Variants in USP42 observed in about 807,000 individuals in gnomAD.
USP42 encodes ubiquitin carboxyl-terminal hydrolase 42.
USP42 carries 23 observed loss-of-function variants against 113.0 expected under a neutral mutation model. That is an observed-to-expected ratio of 0.20 (90% CI 0.15 to 0.29). The LOEUF (loss-of-function observed/expected upper bound fraction) is 0.29, where lower values mean the gene tolerates loss of function less well. Ranked by LOEUF, USP42 falls within the 10% of genes least tolerant of loss-of-function variation. The pLI is 1.00. For synonymous variants in USP42, 933 were observed against 699.0 expected (o/e 1.33, Z -5.28); for missense variants, 2,174 against 1,779.8 (o/e 1.22, Z -3.99).
chr7:6,103,751 AAAAAC>A (rs1162875710), upstream of USP42, among the ~76,000 whole-genome samples: 197 of 149,678 alleles, frequency 1.3e-3, 13 homozygotes, highest in African/African-American at 4.0e-3. Flanking sequence ...AAAAAAAAAA[AAAAAC>A]AAAACTTAAA....
chr7:6,133,762 C>T (rs769816827), intron 3 of USP42, among the ~76,000 whole-genome samples: 5 of 152,044 alleles, frequency 3.3e-5, no homozygotes, highest in African/African-American at 1.2e-4. Context: ...TCAAGTGGTC[C>T]GCCTGCCTCA....
At chr7:6,109,969 G>A (rs1779506727) in intron 1 of USP42, among the ~76,000 whole-genome samples, 1 of 151,804 alleles carries the variant, frequency 6.6e-6, no homozygotes, top group Admixed American at 6.6e-5. Context: ...CCAAAATGCT[G>A]GGATTACAGG....
At chr7:6,134,254 A>G (rs563971534) in intron 3 of USP42, among the ~76,000 whole-genome samples, 1 of 152,130 alleles carries the variant, frequency 6.6e-6, no homozygotes, top group East Asian at 1.9e-4. Flanking sequence ...ATATATTTGT[A>G]ATATCCTTTT....
At chr7:6,120,330 C>T (rs1330906684) in intron 3 of USP42, among the ~76,000 whole-genome samples, 1 of 152,146 alleles carries the variant, frequency 6.6e-6, no homozygotes, top group African/African-American at 2.4e-5. Context: ...GTAACCTCCA[C>T]CTCTTCGGTT....
chr7:6,146,686 C>A (rs1781735041), intron 11 of USP42, among the ~76,000 whole-genome samples: 2 of 152,176 alleles, frequency 1.3e-5, no homozygotes, highest in South Asian at 4.1e-4. Flanking sequence ...AAACCATCAA[C>A]TCTGCCATGT....
In USP42 at chr7:6,135,963, C is replaced by A; in HGVS notation, c.553+12C>A. The A allele has an allele frequency of 5.7e-6, 8 of 1,395,956 alleles. No homozygotes were observed. The highest frequency in any genetic ancestry group is 1.5e-5 in the African/African-American group (1 of 67,620). 86.5% of individuals were successfully genotyped at this position (1,395,956 alleles called of 1,614,324 possible). ...CAATGAGATGCGGCGTAAGTATTAA[C>A]TATTGTAGTTTTATATTTGTATTTA... On this transcript the variant is annotated intron_variant, in intron 4 of 17. Transcript: ENST00000306177.
upstream of USP42, among the ~76,000 whole-genome samples, chr7:6,101,025 C>T (rs754612179): frequency 4.0e-5 from 6 of 150,614 alleles, 1 homozygote; most frequent in African/African-American, 1.0e-4. Flanking sequence ...AGAATTTAGG[C>T]GCACAAGATT....
At chr7:6,120,137 T>G (rs774947364) in intron 3 of USP42, among the ~76,000 whole-genome samples, 1 of 152,212 alleles carries the variant, frequency 6.6e-6, no homozygotes, top group Non-Finnish European at 1.5e-5. Context: ...CTAATTTTTT[T>G]GTATTTTTAG....
chr7:6,154,797 C>T lies in USP42; in HGVS notation c.3243C>T (p.Arg1081=). 1.3e-6 allele frequency: 2 copies of T among 1,546,746 alleles called. No individual in the cohort carries two copies. The highest frequency in any genetic ancestry group is 1.7e-6 in the Non-Finnish European group (2 of 1,145,214). ...ACTGGAAGCCCTTCCACGGCGGCCG[C>T]GAGCACGAGCGGGCCGGGCTGCACG... The part of the protein sequence containing the change: ...ARDWKPFHGG[R]EHERAGLHER... Residue 1081 remains arginine, a synonymous_variant, in exon 15 of 18, where the codon CGC becomes CGT. Coordinates refer to ENST00000306177, the MANE Select transcript of USP42 (RefSeq NM_032172.3).
chr7:6,125,603 A>T (rs893010066), intron 3 of USP42, among the ~76,000 whole-genome samples: 1 of 151,980 alleles, frequency 6.6e-6, no homozygotes, highest in Non-Finnish European at 1.5e-5. Context: ...TTGTTGTATT[A>T]TTTTTTTCTT....
intron 10 of USP42, 37 bp from the exon 11 acceptor site, chr7:6,146,111 A>C: frequency 7.3e-7 from 1 of 1,378,450 alleles, no homozygotes; most frequent in African/African-American, 1.5e-5. Context: ...TGTTTAATTA[A>C]ATCTAATCTC....
At chr7:6,090,581 T>A in the USP42 span, among the ~76,000 whole-genome samples, 6 of 141,812 alleles carry the variant, frequency 4.2e-5, no homozygotes, top group South Asian at 1.3e-3. Flanking sequence ...TGGGCACGGT[T>A]GTGCATGCCT....
chr7:6,145,462 T>G lies in USP42; in HGVS notation c.991-54T>G, dbSNP rs1158238612. ...GCTCTAAGTACCCTCTACCTGAATA[T>G]GTGGAATGATCTGTGCCCTCGGAAA... On this transcript the variant is annotated intron_variant, in intron 9 of 17. Coordinates refer to ENST00000306177, the MANE Select transcript of USP42 (RefSeq NM_032172.3). 3.5e-5 allele frequency: 57 copies of G among 1,608,976 alleles called. No homozygotes were observed. The South Asian group carries it at 6.2e-4, about 17-fold the overall frequency.
rs1192504417 is a variant in USP42 at position 6,154,302 on chromosome 7, T to C, written c.2748T>C (p.Ala916=). The C allele has an allele frequency of 6.3e-7, 1 of 1,585,754 alleles. No homozygotes were observed. Among genetic ancestry groups the C allele is most frequent in the South Asian group, 1.1e-5 (1 of 88,018 alleles). ...CGGCCGGTCACCCGGAAGGGGACGC[T>C]GAGCCTAGCCCCGGCGAGAGGGTCG... The part of the protein sequence containing the change: ...MAPAGHPEGD[A]EPSPGERVED... Residue 916 remains alanine, a synonymous_variant, in exon 15 of 18, where the codon GCT becomes GCC. Transcript: ENST00000306177.
At chr7:6,097,483 C>G in the USP42 span, among the ~76,000 whole-genome samples, 1 of 149,538 alleles carries the variant, frequency 6.7e-6, no homozygotes, top group South Asian at 2.1e-4. Flanking sequence ...CATAGCTCAC[C>G]GCAGCCTCCA....
upstream of USP42, among the ~76,000 whole-genome samples, chr7:6,104,341 C>G (rs540924137): frequency 6.6e-6 from 1 of 151,768 alleles, no homozygotes; most frequent in South Asian, 2.1e-4. Context: ...CTCGGCCTCC[C>G]AGAATGCTGG....
At position 6,159,520 on chromosome 7, in the gene USP42, C is replaced by T. The variant is rs1782653327; in HGVS notation, c.*36+27C>T. Reference sequence around the variant, plus strand: ...TAAGCTGTTTTCCTGTCTGTTTCCTCATTGTTTGTGGTGGCGCTGAGGGGA... The same window carrying T: ...TAAGCTGTTTTCCTGTCTGTTTCCTTATTGTTTGTGGTGGCGCTGAGGGGA... On this transcript the variant is annotated intron_variant, in intron 17 of 17. Transcript: ENST00000306177. The surrounding 1 kb of genome is among the most constrained non-coding windows in gnomAD (Gnocchi z 4.1). 1.2e-5 allele frequency: 20 copies of T among 1,607,868 alleles called. No individual in the cohort carries two copies. Among genetic ancestry groups the T allele is most frequent in the Non-Finnish European group, 1.7e-5 (20 of 1,174,634 alleles).
intron 11 of USP42, 139 bp from the exon 12 acceptor site, chr7:6,147,600 C>T (rs1429408756): frequency 4.4e-6 from 4 of 903,454 alleles, no homozygotes; most frequent in Admixed American, 7.0e-5. Context: ...ATGTGTATAG[C>T]TCCATACTGT....
intron 14 of USP42, 132 bp from the exon 15 acceptor site, chr7:6,153,624 A>G (rs1210257803): frequency 7.7e-6 from 9 of 1,171,302 alleles, no homozygotes; most frequent in African/African-American, 1.6e-5. Flanking sequence ...CCTGAAACTT[A>G]AAGTATAATA....
Sources: allele counts gnomAD v4.1 joint callset (sites outside exome capture counted in the v4.1 genomes callset), GRCh38; gene constraint gnomAD v4.1.1; non-coding constraint Gnocchi (gnomAD v3.1); transcripts MANE v1.5; gene names NCBI Gene and HGNC (gene_info 2026-07-23, HGNC 2026-07-21).